The following PRKD2 variants were observed in gnomAD, a reference collection of about 807,000 sequenced individuals.
PRKD2 encodes the protein protein kinase D2, also known as serine/threonine-protein kinase D2.
A neutral mutation model predicts 86.0 loss-of-function variants in PRKD2; 22 were observed. The observed-to-expected ratio is 0.26, with a 90% CI of 0.18 to 0.37. PRKD2 has a LOEUF of 0.37. Among genes scored for constraint, PRKD2 ranks in the 10% least tolerant of loss-of-function variants. The pLI, the probability that PRKD2 is intolerant of heterozygous loss-of-function variation, is 1.00. For missense variants in PRKD2, 818 were observed against 1,199.2 expected (o/e 0.68, Z 4.70); for synonymous variants, 509 against 510.9 (o/e 1.00, Z 0.05).
intron 14 of PRKD2, chr19:46,688,973 G>A (rs931304168): frequency 6.6e-6 from 1 of 151,596 alleles, no homozygotes; most frequent in African/African-American, 2.4e-5. Context: ...ACTTAATGAG[G>A]ACACCTGATC....
chr19:46,694,597 A>AAAT (rs761767961), intron 9 of PRKD2, among the ~76,000 whole-genome samples: 3 of 151,830 alleles, frequency 2.0e-5, no homozygotes, highest in Non-Finnish European at 4.4e-5. Flanking sequence ...TCCGTCTCAA[A>AAAT]AATAATAATA....
At chr19:46,709,373 AT>A in intron 3 of PRKD2, 4 of 161,824 alleles carry the variant, frequency 2.5e-5, no homozygotes, top group Non-Finnish European at 1.5e-5. Flanking sequence ...TTTTCTTTTC[AT>A]TTTTTTGAGA....
At chr19:46,694,228 G>A (rs1239491176) in intron 9 of PRKD2, 95 bp from the exon 10 acceptor site, 2 of 1,493,924 alleles carry the variant, frequency 1.3e-6, no homozygotes, top group East Asian at 4.7e-5. Flanking sequence ...ATGTTGATAG[G>A]GATGGGCCTG....
At chr19:46,699,907 A>AC (rs201483917) in intron 7 of PRKD2, among the ~76,000 whole-genome samples, 2,073 of 138,686 alleles carry the variant, frequency 0.015, 56 homozygotes, top group African/African-American at 0.055. Context: ...ACATAGCAAG[A>AC]CCCCCTATCT....
Position 46,697,777 on chromosome 19 carries a change from G to C in PRKD2, c.1195C>G (p.Leu399Val). 1 of 1,614,080 alleles carries C rather than the reference G, an allele frequency of 6.2e-7. No homozygotes were observed. The highest frequency in any genetic ancestry group is 8.5e-7 in the Non-Finnish European group (1 of 1,180,016). Reference sequence around the variant, plus strand: ...TAATGAACCACCCAACCCTCCCGCAGCGTGGTGCTGGATTTCCGCGTCGTG... The same window carrying C: ...TAATGAACCACCCAACCCTCCCGCACCGTGGTGCTGGATTTCCGCGTCGTG... ...RHTTRKSSTT[L>V]REGWVVHYSN... The change falls in exon 8 of 18, where the codon CTG becomes GTG. Residue 399 changes from leucine to valine, a missense_variant. Physicochemically the swap from Leu to Val is conservative, Grantham distance 32. Transcript: ENST00000291281.
chr19:46,701,214 T>C, intron 5 of PRKD2, 102 bp from the exon 6 acceptor site: 1 of 1,264,126 alleles, frequency 7.9e-7, no homozygotes. Flanking sequence ...GAGTCTACTC[T>C]TGCTGTCTGG....
chr19:46,692,462 T>G (rs963821622), intron 10 of PRKD2, among the ~76,000 whole-genome samples: 1 of 152,022 alleles, frequency 6.6e-6, no homozygotes, highest in Non-Finnish European at 1.5e-5. Flanking sequence ...TCCACCAGTC[T>G]AGGCCCCTGC....
intron 2 of PRKD2, 114 bp from the exon 3 acceptor site, chr19:46,711,152 T>C (rs1239061482): frequency 2.2e-6 from 3 of 1,394,648 alleles, no homozygotes; most frequent in Non-Finnish European, 2.9e-6. Flanking sequence ...GATCTTTCCT[T>C]CCTTCCTTCA....
intron 14 of PRKD2, among the ~76,000 whole-genome samples, chr19:46,687,616 G>C (rs1268397004): frequency 2.6e-5 from 4 of 152,200 alleles, no homozygotes; most frequent in African/African-American, 4.8e-5. Flanking sequence ...GATTAAATGA[G>C]TTTGAAGAGT....
rs2122191030 is a variant in PRKD2, at chr19:46,716,027, G to A, written c.240+104C>T. The A allele has an allele frequency of 6.7e-7, 1 of 1,484,480 alleles. No individual in the cohort carries two copies. Among genetic ancestry groups the A allele is most frequent in the Non-Finnish European group, 9.0e-7 (1 of 1,114,750 alleles). 92.0% of individuals were successfully genotyped at this position (1,484,480 alleles called of 1,614,324 possible). The stretch of plus-strand genomic sequence containing the variant: ...CTATCCCTCCATCACCCAAAGCTCA[G>A]GTCTCCTTCCTCCCTCTTCCGCACA... On this transcript the variant is annotated intron_variant, in intron 1 of 17. Transcript: ENST00000291281. The surrounding 1 kb of genome is among the most constrained non-coding windows in gnomAD (Gnocchi z 7.9).
At chr19:46,704,758 C>T in intron 3 of PRKD2, 109 bp from the exon 4 acceptor site, 1 of 1,368,898 alleles carries the variant, frequency 7.3e-7, no homozygotes. Context: ...TGTCCCATCA[C>T]CCCCCGCCAG....
In PRKD2 at chr19:46,678,365, C is replaced by A. The variant is rs1338797538; in HGVS notation, c.2338+31G>T. 1.3e-5 allele frequency: 21 copies of A among 1,609,938 alleles called. No individual in the cohort carries two copies. The highest frequency in any genetic ancestry group is 1.7e-5 in the Non-Finnish European group (20 of 1,178,728). On this transcript the variant is annotated intron_variant, in intron 16 of 17. Transcript: ENST00000291281. The surrounding 1 kb of genome is among the most constrained non-coding windows in gnomAD (Gnocchi z 5.7). ...TTCTCCAGCCCCACCCCACAACCCA[C>A]CCGCCCATGGGGTAGGCGGGCCCCA... is the stretch of plus-strand genomic sequence containing the variant.
At position 46,681,754 on chromosome 19, in the gene PRKD2, G is replaced by C; in HGVS notation, c.1972-6C>G. The stretch of plus-strand genomic sequence containing the variant: ...TGTCTCAAAGCCACCAGGATCTGAG[G>C]GGAGCAGATGGGCCCAGTAAGAAAG... On this transcript the variant is annotated splice_region_variant and splice_polypyrimidine_tract_variant and intron_variant, in intron 14 of 17. Transcript: ENST00000291281. The C allele has an allele frequency of 6.3e-7, 1 of 1,584,914 alleles. No homozygotes were observed. The highest frequency in any genetic ancestry group is 8.7e-7 in the Non-Finnish European group (1 of 1,153,754).
In PRKD2 at chr19:46,697,163, G is replaced by C; in HGVS notation, c.1311C>G (p.Tyr437Ter). 1 of 1,578,986 alleles carries C rather than the reference G, an allele frequency of 6.3e-7. No individual in the cohort carries two copies. Among genetic ancestry groups the C allele is most frequent in the East Asian group, 2.2e-5 (1 of 44,690 alleles). ...TGAAAGCCCGGAGGCTTACCTTATA[G>C]TATCTGTTGGTCGTGTTGTTCTGGA... ...TLFQNNTTNR[Y>*]YKEIPLSEIL... Residue 437 changes from tyrosine to a stop codon, truncating the protein, a stop_gained, in exon 9 of 18, where the codon TAC becomes TAG. Transcript: ENST00000291281. LOFTEE classifies it high-confidence loss of function.
At position 46,678,419 on chromosome 19, in the gene PRKD2, G is replaced by C; in HGVS notation, c.2315C>G (p.Pro772Arg). The C allele has an allele frequency of 6.2e-7, 1 of 1,614,090 alleles. No homozygotes were observed. The highest frequency in any genetic ancestry group is 8.5e-7 in the Non-Finnish European group (1 of 1,179,998). ...QNAAFMYPAS[P>R]WSHISAGAID... Reference sequence around the variant, plus strand: ...ACCTCCAGCTGAGATGTGGCTCCAGGGGCTGGCCGGGTACATGAAGGCGGC... The same window carrying C: ...ACCTCCAGCTGAGATGTGGCTCCAGCGGCTGGCCGGGTACATGAAGGCGGC... The change falls in exon 16 of 18, where the codon CCC becomes CGC. Residue 772 changes from proline to arginine, a missense_variant. Pro to Arg is a moderately radical substitution (Grantham distance 103). This residue lies in a region of PRKD2 where 132 missense variants were observed against 146.2 expected (regional missense o/e 0.90). Coordinates refer to ENST00000291281, the MANE Select transcript of PRKD2 (RefSeq NM_016457.5). This position sits in a 1 kb window ranked among gnomAD's most constrained non-coding sequence, Gnocchi z 5.7.
At position 46,678,783 on chromosome 19, in the gene PRKD2, C is replaced by T. The variant is rs2053251887; in HGVS notation, c.2071-120G>A. The stretch of plus-strand genomic sequence containing the variant: ...AGCTGGATGCTGGTTTGAATCCAGG[C>T]TCCTTGGCTCACTAGCTGAGCAACC... On this transcript the variant is annotated intron_variant, in intron 15 of 17. Transcript: ENST00000291281. The surrounding 1 kb of genome is among the most constrained non-coding windows in gnomAD (Gnocchi z 5.7). The T allele has an allele frequency of 1.6e-6, 2 of 1,249,960 alleles. No homozygotes were observed. Among genetic ancestry groups the T allele is most frequent in the Non-Finnish European group, 2.2e-6 (2 of 918,242 alleles). The allele number at this position is 1,249,960 out of a possible 1,614,324, so 77.4% of individuals were successfully genotyped here. A position where few individuals can be genotyped will look rare whatever the true frequency, so the allele number is the denominator to read the frequency against.
At chr19:46,697,081 TG>T (rs2053569561) in intron 9 of PRKD2, 75 bp downstream of exon 9, 3 of 1,175,768 alleles carry the variant, frequency 2.6e-6, no homozygotes, top group Non-Finnish European at 3.8e-6. Context: ...CTGGAGTAAC[TG>T]GGGGTAGGAG....
chr19:46,699,599 C>CT (rs2053608320), intron 7 of PRKD2, among the ~76,000 whole-genome samples: 1 of 152,200 alleles, frequency 6.6e-6, no homozygotes, highest in African/African-American at 2.4e-5. Context: ...GGGATCTGGG[C>CT]TGTCACCCTC....
In PRKD2 at chr19:46,674,528, G is replaced by T; in HGVS notation, c.2632C>A (p.Leu878Ile). The change falls in exon 18 of 18, where the codon CTC becomes ATC. Residue 878 changes from leucine (L) to isoleucine (I), a missense_variant. Coordinates refer to ENST00000291281, the MANE Select transcript of PRKD2 (RefSeq NM_016457.5). ...CTGGACGAGGGCACAGGACCTCAGA[G>T]AACACTGATGCGCTCCGCCAGCCCC... ...MQGLAERISV[L>I] 1.2e-6 allele frequency: 2 copies of T among 1,611,774 alleles called. No individual in the cohort carries two copies. Among genetic ancestry groups the T allele is most frequent in the Non-Finnish European group, 1.7e-6 (2 of 1,178,988 alleles).
Sources: gnomAD v4.1 joint callset for allele counts (sites outside exome capture counted in the v4.1 genomes callset) on GRCh38, gnomAD v4.1.1 for gene constraint, gnomAD v4.1.1 regional missense constraint, Gnocchi (gnomAD v3.1) non-coding constraint, MANE v1.5 for transcripts, NCBI Gene and HGNC (gene_info 2026-07-23, HGNC 2026-07-21) for gene names.